Variants in UST observed in about 807,000 individuals in gnomAD.
The protein encoded by UST is chondroitin sulfate 2-O-sulfotransferase.
In UST, 21 loss-of-function variants were observed where a neutral mutation model predicts 45.6. The observed-to-expected ratio is 0.46, with a 90% CI of 0.33 to 0.66. The LOEUF is 0.66. Ranked by LOEUF, UST falls within the 30% of genes least tolerant of loss-of-function variation. The probability of loss-of-function intolerance (pLI) is 0.02; values close to 1 mark genes in which losing one functional copy is unlikely to be tolerated. For synonymous variants in UST, 215 were observed against 200.6 expected (o/e 1.07, Z -0.61); for missense variants, 463 against 512.4 (o/e 0.90, Z 0.93).
At chr6:149,010,273 T>G (rs1775783607) in intron 5 of UST, among the ~76,000 whole-genome samples, 1 of 152,224 alleles carries the variant, frequency 6.6e-6, no homozygotes, top group Non-Finnish European at 1.5e-5. Flanking sequence ...GATGTGTTAT[T>G]TTTATTTGGT....
At chr6:149,063,516 A>C (rs1397435574) in intron 7 of UST, among the ~76,000 whole-genome samples, 1 of 152,238 alleles carries the variant, frequency 6.6e-6, no homozygotes, top group Admixed American at 6.5e-5. Flanking sequence ...AAGGCAACCA[A>C]ACCACAAAGT....
intron 1 of UST, 113 bp downstream of exon 1, chr6:148,747,790 G>C (rs2114636343): frequency 7.5e-7 from 1 of 1,341,412 alleles, no homozygotes; most frequent in African/African-American, 1.5e-5. Flanking sequence ...CGCCGCCCCG[G>C]GTCTCTCCAG....
chr6:148,983,668 A>C (rs963666844), intron 5 of UST, among the ~76,000 whole-genome samples: 1 of 152,258 alleles, frequency 6.6e-6, no homozygotes, highest in African/African-American at 2.4e-5. Context: ...TAAAATGTCA[A>C]GAAGAAATTT....
chr6:148,941,210 A>G, intron 2 of UST, 69 bp from the exon 3 acceptor site: 1 of 1,568,208 alleles, frequency 6.4e-7, no homozygotes, highest in East Asian at 2.2e-5. Context: ...ATTGTTCTGA[A>G]ATTGAGGGAA....
chr6:149,016,679 GGT>G (rs1775902751), intron 5 of UST, among the ~76,000 whole-genome samples: 1 of 152,160 alleles, frequency 6.6e-6, no homozygotes. Context: ...AGGCTCTGGC[GGT>G]CTCTGATGCC....
intron 2 of UST, among the ~76,000 whole-genome samples, chr6:148,931,789 C>T (rs148420948): frequency 2.6e-4 from 40 of 152,288 alleles, no homozygotes; most frequent in African/African-American, 8.2e-4. Flanking sequence ...TCCACATCCA[C>T]GTGGGTTTCT....
intron 5 of UST, among the ~76,000 whole-genome samples, chr6:148,995,681 G>C (rs1216871073): frequency 6.6e-6 from 1 of 152,204 alleles, no homozygotes; most frequent in Admixed American, 6.5e-5. Context: ...GTTGTTTGTA[G>C]TACCAACATT....
At chr6:148,863,862 G>A (rs1477384308) in intron 1 of UST, among the ~76,000 whole-genome samples, 1 of 152,158 alleles carries the variant, frequency 6.6e-6, no homozygotes, top group Non-Finnish European at 1.5e-5. Flanking sequence ...CCTTCTTCTG[G>A]AAGCTTTGTC....
chr6:149,065,151 T>C (rs933231117), intron 7 of UST, among the ~76,000 whole-genome samples: 2 of 152,224 alleles, frequency 1.3e-5, no homozygotes, highest in African/African-American at 4.8e-5. Context: ...AACGAGGGCT[T>C]CTTCCCTTCC....
chr6:149,061,974 TCA>T (rs1426106897), intron 7 of UST, among the ~76,000 whole-genome samples: 1 of 152,240 alleles, frequency 6.6e-6, no homozygotes, highest in Non-Finnish European at 1.5e-5. Flanking sequence ...CAAAGTCAGG[TCA>T]CACAAATAAA....
In UST at chr6:149,056,117, C is replaced by CTTTTCT. The variant is rs1562341621; in HGVS notation, c.938-17712_938-17711insCTTTTT. ...TGTTACTCTGCTTTTCTTTTCTTTT[C>CTTTTCT]TTTTTTTTTTTTTTTTTTTTTTTTT... On this transcript the variant is annotated intron_variant, in intron 7 of 7. Transcript: ENST00000367463. Among the ~76,000 whole-genome samples the CTTTTCT allele has an allele frequency of 3.8e-4, 31 of 81,070 alleles. 1 individual carries two copies. Among genetic ancestry groups the CTTTTCT allele is most frequent in the Admixed American group, 7.0e-4 (5 of 7,132 alleles). The allele number at this position is 81,070 out of a possible 152,430, so 53.2% of individuals were successfully genotyped here. A position where few individuals can be genotyped will look rare whatever the true frequency, so the allele number is the denominator to read the frequency against.
chr6:148,840,507 G>A (rs932745453), intron 1 of UST, among the ~76,000 whole-genome samples: 1 of 152,108 alleles, frequency 6.6e-6, no homozygotes, highest in South Asian at 2.1e-4. Context: ...AGTACAGTTG[G>A]GTCTCGGTAT....
At position 148,791,532 on chromosome 6, in the gene UST, T is replaced by G. The variant is rs543905927; in HGVS notation, c.247+43855T>G. 8.9e-3 allele frequency among the ~76,000 whole-genome samples: 1,356 copies of G among 152,276 alleles called. 15 individuals carry two copies. The highest frequency in any genetic ancestry group is 0.015 in the Non-Finnish European group (1,043 of 68,008). ...GAGGTCATTATTTCCACTCAATTGC[T>G]CACTGGGGAAAAAACAAACATGAGT... On this transcript the variant is annotated intron_variant, in intron 1 of 7. Transcript: ENST00000367463.
chr6:148,766,055 T>C (rs143214745), intron 1 of UST, among the ~76,000 whole-genome samples: 167 of 152,340 alleles, frequency 1.1e-3, no homozygotes, highest in African/African-American at 3.8e-3. Flanking sequence ...GCTTTTATCA[T>C]GAAAAGATGT....
chr6:148,856,821 C>T (rs887986938), intron 1 of UST, among the ~76,000 whole-genome samples: 14 of 152,126 alleles, frequency 9.2e-5, no homozygotes, highest in African/African-American at 3.4e-4. Context: ...TAAACTGTTA[C>T]TGTGGTTGAA....
At chr6:148,778,617 C>G (rs1350196241) in intron 1 of UST, among the ~76,000 whole-genome samples, 1 of 152,196 alleles carries the variant, frequency 6.6e-6, no homozygotes, top group African/African-American at 2.4e-5. Context: ...GTGTGGGGTG[C>G]AGTCCTGTGA....
chr6:148,800,774 ATTTT>A (rs35096958), intron 1 of UST, among the ~76,000 whole-genome samples: 3 of 116,962 alleles, frequency 2.6e-5, no homozygotes, highest in Non-Finnish European at 3.6e-5. Context: ...TTCAGATCAG[ATTTT>A]TTTTTTTTTT....
At chr6:148,887,706 T>G (rs1778938564) in intron 2 of UST, among the ~76,000 whole-genome samples, 1 of 152,234 alleles carries the variant, frequency 6.6e-6, no homozygotes, top group African/African-American at 2.4e-5. Context: ...CGTATGTCCC[T>G]TGTACTTTTT....
At chr6:148,869,883 T>C (rs575889977) in intron 1 of UST, among the ~76,000 whole-genome samples, 71 of 152,316 alleles carry the variant, frequency 4.7e-4, no homozygotes, top group Non-Finnish European at 3.4e-4. Context: ...CACCAGGCCA[T>C]GGGCCAGAAA....
Sources: allele counts gnomAD v4.1 joint callset (sites outside exome capture counted in the v4.1 genomes callset), GRCh38; gene constraint gnomAD v4.1.1; transcripts MANE v1.5; gene names NCBI Gene and HGNC (gene_info 2026-07-23, HGNC 2026-07-21).